The following FZD6 variants were observed in gnomAD, a reference collection of about 807,000 sequenced individuals.
FZD6 encodes frizzled-6.
Under a neutral mutation model 61.4 loss-of-function variants are expected in FZD6, and 49 were observed. That is an observed-to-expected ratio of 0.80 (90% CI 0.63 to 1.01). The LOEUF (loss-of-function observed/expected upper bound fraction) is 1.01, where lower values mean the gene tolerates loss of function less well. Ranked by LOEUF, FZD6 falls within the 50% of genes least tolerant of loss-of-function variation. The probability of loss-of-function intolerance (pLI) is 0.00; values close to 1 mark genes in which losing one functional copy is unlikely to be tolerated. For missense variants in FZD6, 724 were observed against 848.2 expected (o/e 0.85, Z 1.82); for synonymous variants, 265 against 292.2 (o/e 0.91, Z 0.95).
intron 3 of FZD6, among the ~76,000 whole-genome samples, chr8:103,321,615 T>C (rs1814789996): frequency 6.6e-6 from 1 of 152,230 alleles, no homozygotes; most frequent in Admixed American, 6.5e-5. Flanking sequence ...GGTTATGGCA[T>C]GCATTAGGCT....
chr8:103,300,007 G>A lies in FZD6; in HGVS notation c.-101G>A, dbSNP rs943642777. On this transcript the variant is annotated 5_prime_UTR_variant, in exon 2 of 7. Coordinates refer to ENST00000358755, the MANE Select transcript of FZD6 (RefSeq NM_003506.4). ...AAAGCCTGAAAATGAGTAAAATAGT[G>A]AAATGAGGAATTTGAACATTTTATC... is the stretch of plus-strand genomic sequence containing the variant. 7.7e-6 allele frequency: 6 copies of A among 782,690 alleles called. No homozygotes were observed. The highest frequency in any genetic ancestry group is 1.3e-5 in the Non-Finnish European group (6 of 444,480). The allele number at this position is 782,690 out of a possible 1,614,324, so 48.5% of individuals were successfully genotyped here. A position where few individuals can be genotyped will look rare whatever the true frequency, so the allele number is the denominator to read the frequency against.
At chr8:103,302,618 T>C (rs1472353054) in intron 2 of FZD6, among the ~76,000 whole-genome samples, 1 of 152,164 alleles carries the variant, frequency 6.6e-6, no homozygotes, top group Non-Finnish European at 1.5e-5. Flanking sequence ...TTTAGGCCCT[T>C]GTCCTGATTG....
chr8:103,328,203 C>A, intron 4 of FZD6, 65 bp from the exon 5 acceptor site: 2 of 1,205,608 alleles, frequency 1.7e-6, no homozygotes, highest in Non-Finnish European at 1.2e-6. Flanking sequence ...TTTATATTGA[C>A]AATATAGACT....
chr8:103,302,751 C>T (rs1216122929), intron 2 of FZD6, among the ~76,000 whole-genome samples: 3 of 152,172 alleles, frequency 2.0e-5, no homozygotes, highest in African/African-American at 2.4e-5. Flanking sequence ...CTCTGTTTAG[C>T]TCTGTCTCTC....
In FZD6 at chr8:103,300,619, A is replaced by G. The variant is rs1435788549; in HGVS notation, c.177+335A>G. Among the ~76,000 whole-genome samples the G allele has an allele frequency of 2.6e-5, 4 of 152,304 alleles. No individual in the cohort carries two copies. In the East Asian group the frequency reaches 7.7e-4, roughly 29 times the overall value. Reference sequence around the variant, plus strand: ...AAATGCGAATTCTGAATATTTTTCTACTTCACTGAACATGTAATATTTATT... The same window carrying G: ...AAATGCGAATTCTGAATATTTTTCTGCTTCACTGAACATGTAATATTTATT... On this transcript the variant is annotated intron_variant, in intron 2 of 6. Coordinates refer to ENST00000358755, the MANE Select transcript of FZD6 (RefSeq NM_003506.4).
intron 2 of FZD6, chr8:103,307,734 T>C (rs764435247): frequency 4.4e-6 from 2 of 455,322 alleles, no homozygotes; most frequent in Non-Finnish European, 4.4e-6. Context: ...TTTTTTTTCA[T>C]GTCCTTTCCA....
chr8:103,321,276 T>C (rs1206450579), intron 3 of FZD6, among the ~76,000 whole-genome samples: 1 of 152,224 alleles, frequency 6.6e-6, no homozygotes, highest in African/African-American at 2.4e-5. Flanking sequence ...TTTTTAAAAT[T>C]ATTTAAGCCC....
At chr8:103,321,618 A>G (rs762957527) in intron 3 of FZD6, among the ~76,000 whole-genome samples, 2 of 152,240 alleles carry the variant, frequency 1.3e-5, no homozygotes, top group Non-Finnish European at 2.9e-5. Context: ...TATGGCATGC[A>G]TTAGGCTCTT....
Position 103,329,723 on chromosome 8 carries a change from T to C in FZD6, c.1610T>C (p.Val537Ala). Residue 537 changes from valine to alanine, a missense_variant, in exon 6 of 7, where the codon GTT becomes GCT. By Grantham distance (64) the Val-to-Ala change is moderately conservative (BLOSUM62 0). Transcript: ENST00000358755. ...TTTTTCTTAAAGCACAATTCTAAAG[T>C]TAAACACAAAAAGAAGCACTATAAA... is the stretch of plus-strand genomic sequence containing the variant. ...CEFFLKHNSK[V>A]KHKKKHYKPS... The C allele has an allele frequency of 6.2e-7, 1 of 1,612,120 alleles. No individual in the cohort carries two copies. Among genetic ancestry groups the C allele is most frequent in the Non-Finnish European group, 8.5e-7 (1 of 1,178,562 alleles).
At chr8:103,305,341 C>T (rs992494491) in intron 2 of FZD6, among the ~76,000 whole-genome samples, 1 of 152,198 alleles carries the variant, frequency 6.6e-6, no homozygotes, top group African/African-American at 2.4e-5. Flanking sequence ...AAACAACTTT[C>T]CTTTCCACCT....
At chr8:103,301,000 T>G (rs1814153583) in intron 2 of FZD6, among the ~76,000 whole-genome samples, 1 of 152,206 alleles carries the variant, frequency 6.6e-6, no homozygotes, top group Admixed American at 6.5e-5. Flanking sequence ...TTTGTTAGGT[T>G]GTTAAGTCTC....
chr8:103,313,760 CTGTGTGTGTGTGTGTGTG>C lies in FZD6; in HGVS notation c.178-4804_178-4787del, dbSNP rs58157848. The stretch of plus-strand genomic sequence containing the variant: ...GGATCTGACCTGAGACTTGATTTTT[CTGTGTGTGTGTGTGTGTG>C]TGTGTGTGTGTGTGTGTGTGTGTGT... On this transcript the variant is annotated intron_variant, in intron 2 of 6. Coordinates refer to ENST00000358755, the MANE Select transcript of FZD6 (RefSeq NM_003506.4). 3.2e-4 allele frequency among the ~76,000 whole-genome samples: 45 copies of C among 142,736 alleles called. 1 individual carries two copies. Among genetic ancestry groups the C allele is most frequent in the Middle Eastern group, 3.4e-3 (1 of 298 alleles). The allele number at this position is 142,736 out of a possible 152,430, so 93.6% of individuals were successfully genotyped here.
rs1815179840 is a variant in FZD6, at chr8:103,332,774, A to G, written c.*1265A>G. The G allele has an allele frequency of 1.3e-5, 2 of 152,616 alleles. No homozygotes were observed. Among genetic ancestry groups the G allele is most frequent in the Admixed American group, 1.3e-4 (2 of 15,286 alleles). The allele number at this position is 152,616 out of a possible 1,614,324, so 9.5% of individuals were successfully genotyped here. ...GTACTGTATGGGAAATGTTGTAAAT[A>G]TTACCTTTTCCACATTTTAAACAGA... On this transcript the variant is annotated 3_prime_UTR_variant, in exon 7 of 7. Transcript: ENST00000358755.
Position 103,329,941 on chromosome 8 carries a change from T to C in FZD6, c.1828T>C (p.Leu610=). Reference sequence around the variant, plus strand: ...AGCGGACGGAGCTAGCACCCCCAGGTTAAGAGAACAGGACTGTGGTGAACC... The same window carrying C: ...AGCGGACGGAGCTAGCACCCCCAGGCTAAGAGAACAGGACTGTGGTGAACC... The part of the protein sequence containing the change: ...VKADGASTPR[L]REQDCGEPAS... Residue 610 remains leucine (L), a synonymous_variant, in exon 6 of 7, where the codon TTA becomes CTA. Coordinates refer to ENST00000358755, the MANE Select transcript of FZD6 (RefSeq NM_003506.4). 6.2e-7 allele frequency: 1 copy of C among 1,614,076 alleles called. No individual in the cohort carries two copies. Among genetic ancestry groups the C allele is most frequent in the Non-Finnish European group, 8.5e-7 (1 of 1,179,996 alleles).
intron 2 of FZD6, chr8:103,308,026 G>T (rs1814390296): frequency 1.4e-5 from 6 of 442,858 alleles, no homozygotes; most frequent in Non-Finnish European, 2.7e-5. Flanking sequence ...CTTAAGGTTG[G>T]TTACTGCTCT....
chr8:103,324,908 G>A lies in FZD6; in HGVS notation c.802G>A (p.Glu268Lys). ...CTGCAATAAGGCAGATGAGAAGCTA[G>A]AACTTGGTGACACTGTTGTCCTAGG... ...TACNKADEKL[E>K]LGDTVVLGSQ... Residue 268 changes from glutamate to lysine, a missense_variant, in exon 4 of 7, where the codon GAA becomes AAA. Physicochemically the swap from Glu to Lys is moderately conservative, Grantham distance 56. Transcript: ENST00000358755. 1 of 1,614,078 alleles carries A rather than the reference G, an allele frequency of 6.2e-7. No individual in the cohort carries two copies. The highest frequency in any genetic ancestry group is 8.5e-7 in the Non-Finnish European group (1 of 1,179,946).
At position 103,317,865 on chromosome 8, in the gene FZD6, G is replaced by T. The variant is rs545949328; in HGVS notation, c.178-725G>T. ...AAGAAAGAAAGAAAGAAAGAAAAAA[G>T]AATGAGTTGTAAGATTCTTGGCCTG... On this transcript the variant is annotated intron_variant, in intron 2 of 6. Transcript: ENST00000358755. 2.6e-5 allele frequency among the ~76,000 whole-genome samples: 4 copies of T among 151,420 alleles called. No individual in the cohort carries two copies. In the South Asian group the frequency reaches 6.3e-4, roughly 24 times the overall value.
At chr8:103,329,245 TAGAA>T (rs1563694973) in intron 5 of FZD6, among the ~76,000 whole-genome samples, 1 of 151,252 alleles carries the variant, frequency 6.6e-6, no homozygotes, top group Non-Finnish European at 1.5e-5. Flanking sequence ...TTTTTAACGT[TAGAA>T]AGAAAAGACT....
chr8:103,323,432 AC>A (rs1489257061), intron 3 of FZD6, among the ~76,000 whole-genome samples: 2 of 114,724 alleles, frequency 1.7e-5, no homozygotes, highest in Non-Finnish European at 1.8e-5. Flanking sequence ...AACCTCCAGT[AC>A]TTTTTTTTTT....
Sources: allele counts gnomAD v4.1 joint callset (sites outside exome capture counted in the v4.1 genomes callset), GRCh38; gene constraint gnomAD v4.1.1; transcripts MANE v1.5; gene names NCBI Gene and HGNC (gene_info 2026-07-23, HGNC 2026-07-21).